MAP3K7: variants seen among roughly 807,000 people sequenced by gnomAD.
MAP3K7 encodes TGF-beta activated kinase 1.
MAP3K7 carries 21 observed loss-of-function variants against 84.8 expected under a neutral mutation model. The observed-to-expected ratio is 0.25, with a 90% CI of 0.18 to 0.36. MAP3K7 has a LOEUF of 0.36. Ranked by LOEUF, MAP3K7 falls within the 10% of genes least tolerant of loss-of-function variation. The pLI, the probability that MAP3K7 is intolerant of heterozygous loss-of-function variation, is 1.00. For synonymous variants in MAP3K7, 241 were observed against 247.7 expected, an observed-to-expected ratio of 0.97 and a Z score of 0.25; for missense variants, 503 against 747.7, an observed-to-expected ratio of 0.67 and a Z score of 3.82.
chr6:90,538,591 T>C (rs1299594870), intron 12 of MAP3K7, among the ~76,000 whole-genome samples: 2 of 151,916 alleles, frequency 1.3e-5, no homozygotes, highest in Non-Finnish European at 2.9e-5. Context: ...ATTCCACTTT[T>C]TAGAATGACT....
chr6:90,521,112 A>AG (rs1374007755), intron 14 of MAP3K7, among the ~76,000 whole-genome samples: 1 of 152,030 alleles, frequency 6.6e-6, no homozygotes, highest in Non-Finnish European at 1.5e-5. Flanking sequence ...GGGGAACTTA[A>AG]GGTCCTTCAT....
intron 8 of MAP3K7, chr6:90,551,323 T>C (rs1345967973): frequency 1.3e-5 from 2 of 152,192 alleles, no homozygotes; most frequent in Non-Finnish European, 2.9e-5. Flanking sequence ...TGTAAGATTC[T>C]TCTACTGAAC....
chr6:90,578,574 CAG>C (rs1777163317), intron 1 of MAP3K7, among the ~76,000 whole-genome samples: 1 of 152,072 alleles, frequency 6.6e-6, no homozygotes, highest in African/African-American at 2.4e-5. Context: ...TGCACCTGGC[CAG>C]AGACAGGAGT....
intron 9 of MAP3K7, among the ~76,000 whole-genome samples, chr6:90,548,863 G>A (rs977662009): frequency 6.6e-6 from 1 of 151,506 alleles, no homozygotes; most frequent in Non-Finnish European, 1.5e-5. Flanking sequence ...ATTAGGTCAA[G>A]TGCTACTGAG....
chr6:90,551,384 C>T (rs1196563099), intron 8 of MAP3K7: 2 of 152,074 alleles, frequency 1.3e-5, no homozygotes, highest in Non-Finnish European at 2.9e-5. Context: ...CTTTTTAAAG[C>T]CAAGATACCA....
At chr6:90,582,823 C>A (rs1257767289) in intron 1 of MAP3K7, among the ~76,000 whole-genome samples, 2 of 150,568 alleles carry the variant, frequency 1.3e-5, no homozygotes, top group Non-Finnish European at 2.9e-5. Context: ...TTACTCCAGT[C>A]TGATATCATA....
rs1200714687 is a variant in MAP3K7, at chr6:90,516,217, AT to A, written c.*283del. The A allele has an allele frequency of 2.3e-6, 1 of 439,676 alleles. No homozygotes were observed. The highest frequency in any genetic ancestry group is 2.1e-5 in the African/African-American group (1 of 48,510). The allele number at this position is 439,676 out of a possible 1,614,324, so 27.2% of individuals were successfully genotyped here. A position where few individuals can be genotyped will look rare whatever the true frequency, so the allele number is the denominator to read the frequency against. ...GTTCTGTTAGGCTAGCCTTCACACA[AT>A]GAGCATGCATATACAGCCACAGTTC... On this transcript the variant is annotated 3_prime_UTR_variant, in exon 17 of 17. Coordinates refer to ENST00000369329, the MANE Select transcript of MAP3K7 (RefSeq NM_145331.3).
At chr6:90,525,024 AAAAG>A (rs1436597786) in intron 13 of MAP3K7, among the ~76,000 whole-genome samples, 5 of 146,276 alleles carry the variant, frequency 3.4e-5, no homozygotes, top group Non-Finnish European at 6.2e-5. Context: ...AACTTGAAAG[AAAAG>A]AAAGAGAAAT....
rs1775150227 is a variant in MAP3K7 at position 90,521,514 on chromosome 6, T to A, written c.1462+2164A>T. ...TGAAAAGGCCAGAGACTATGCCAAG[T>A]CTTGTTGAACTGATTTCTCTTACAA... On this transcript the variant is annotated intron_variant, in intron 14 of 16. Coordinates refer to ENST00000369329, the MANE Select transcript of MAP3K7 (RefSeq NM_145331.3). Among the ~76,000 whole-genome samples the A allele has an allele frequency of 3.9e-5, 6 of 152,176 alleles. No homozygotes were observed. In the South Asian group the frequency reaches 1.2e-3, roughly 32 times the overall value.
intron 14 of MAP3K7, among the ~76,000 whole-genome samples, chr6:90,521,257 C>CGTGTGT (rs59945419): frequency 5.4e-5 from 8 of 148,544 alleles, no homozygotes; most frequent in Non-Finnish European, 7.5e-5. Flanking sequence ...AAGTTTTTTG[C>CGTGTGT]GTGTGTGTGT....
intron 1 of MAP3K7, among the ~76,000 whole-genome samples, chr6:90,583,480 C>A (rs1196879213): frequency 2.0e-5 from 3 of 152,208 alleles, no homozygotes; most frequent in Non-Finnish European, 4.4e-5. Context: ...AATGGGATAT[C>A]ATTTGCCCTG....
In MAP3K7 at chr6:90,516,326, T is replaced by C; in HGVS notation, c.*175A>G. On this transcript the variant is annotated 3_prime_UTR_variant, in exon 17 of 17. Coordinates refer to ENST00000369329, the MANE Select transcript of MAP3K7 (RefSeq NM_145331.3). ...GTTATGCAATGAAACAGTAAAATTGTATGTCCACCATGAGAAAAGGAAAAT... is the reference window on the plus strand; with the variant it reads ...GTTATGCAATGAAACAGTAAAATTGCATGTCCACCATGAGAAAAGGAAAAT... The C allele has an allele frequency of 4.6e-6, 3 of 650,488 alleles. No individual in the cohort carries two copies. In the South Asian group the frequency reaches 5.8e-5, roughly 13 times the overall value. The allele number at this position is 650,488 out of a possible 1,614,324, so 40.3% of individuals were successfully genotyped here.
At chr6:90,533,151 G>A (rs1489095990) in intron 13 of MAP3K7, among the ~76,000 whole-genome samples, 1 of 152,168 alleles carries the variant, frequency 6.6e-6, no homozygotes, top group East Asian at 1.9e-4. Flanking sequence ...TGTATACTAA[G>A]AGCCTATCTG....
At chr6:90,567,972 C>T (rs1191606091) in intron 3 of MAP3K7, among the ~76,000 whole-genome samples, 1 of 152,130 alleles carries the variant, frequency 6.6e-6, no homozygotes, top group Non-Finnish European at 1.5e-5. Context: ...GACAGAAAAC[C>T]AAACACCACA....
intron 2 of MAP3K7, among the ~76,000 whole-genome samples, chr6:90,569,008 C>A (rs990161295): frequency 6.6e-6 from 1 of 152,130 alleles, no homozygotes; most frequent in Non-Finnish European, 1.5e-5. Context: ...CCAAACCAGA[C>A]GTCATGCTAT....
intron 6 of MAP3K7, among the ~76,000 whole-genome samples, chr6:90,555,286 T>G (rs1400462564): frequency 1.3e-5 from 2 of 152,036 alleles, no homozygotes; most frequent in Non-Finnish European, 2.9e-5. Flanking sequence ...GATGGAGTCT[T>G]GCTCTGTCAC....
At chr6:90,567,120 A>C (rs1343233299) in intron 3 of MAP3K7, among the ~76,000 whole-genome samples, 1 of 152,138 alleles carries the variant, frequency 6.6e-6, no homozygotes, top group Non-Finnish European at 1.5e-5. Context: ...CTAGAAGAAA[A>C]CCTAGGCAAT....
intron 1 of MAP3K7, 149 bp downstream of exon 1, chr6:90,586,615 C>G: frequency 9.7e-7 from 1 of 1,031,692 alleles, no homozygotes; most frequent in East Asian, 2.9e-5. Context: ...CCCACTCCCA[C>G]GTTACTGAGG....
rs781747384 is a variant in MAP3K7, at chr6:90,547,339, C to T, written c.1129G>A (p.Glu377Lys). 1.1e-5 allele frequency: 18 copies of T among 1,612,250 alleles called. No homozygotes were observed. The highest frequency in any genetic ancestry group is 1.4e-5 in the Non-Finnish European group (16 of 1,179,288). ...CCCTCAGAGGTTGGGGGCAAGCTCT[C>T]CACACTGCTCCCACGGGAGGCTCCC... ...SLGASRGSSV[E>K]SLPPTSEGKR... Residue 377 changes from glutamate (E) to lysine (K), a missense_variant, in exon 11 of 17, where the codon GAG becomes AAG. By Grantham distance (56) the Glu-to-Lys change is moderately conservative. Coordinates refer to ENST00000369329, the MANE Select transcript of MAP3K7 (RefSeq NM_145331.3).
Sources: allele counts gnomAD v4.1 joint callset (sites outside exome capture counted in the v4.1 genomes callset), GRCh38; gene constraint gnomAD v4.1.1; transcripts MANE v1.5; gene names NCBI Gene and HGNC (gene_info 2026-07-23, HGNC 2026-07-21).